Variants in RUFY1 observed in about 807,000 individuals in gnomAD.
RUFY1 encodes the protein RUN and FYVE domain-containing protein 1.
RUFY1 carries 54 observed loss-of-function variants against 94.6 expected under a neutral mutation model. The observed-to-expected ratio is 0.57, with a 90% CI of 0.46 to 0.72. The LOEUF (loss-of-function observed/expected upper bound fraction) is 0.72, where lower values mean the gene tolerates loss of function less well. RUFY1 is among the 30% of genes least tolerant of loss of function. The pLI, the probability that RUFY1 is intolerant of heterozygous loss-of-function variation, is 0.00. For synonymous variants in RUFY1, 396 were observed against 347.3 expected (o/e 1.14, Z -1.56); for missense variants, 883 against 883.9 (o/e 1.00, Z 0.01).
chr5:179,587,678 G>C (rs1393417442), intron 8 of RUFY1, among the ~76,000 whole-genome samples: 10 of 150,466 alleles, frequency 6.6e-5, no homozygotes, highest in Non-Finnish European at 1.5e-4. Flanking sequence ...GGGATTACAG[G>C]CATGAGCCAC....
At chr5:179,551,768 CT>C (rs1360808014) in intron 1 of RUFY1, among the ~76,000 whole-genome samples, 2 of 151,050 alleles carry the variant, frequency 1.3e-5, no homozygotes, top group Non-Finnish European at 2.9e-5. Context: ...CTGCCTCGGC[CT>C]CGTAAAGTAC....
intron 15 of RUFY1, chr5:179,603,875 T>C (rs1053987626): frequency 6.6e-6 from 1 of 152,152 alleles, no homozygotes; most frequent in Admixed American, 6.6e-5. Flanking sequence ...CTGACCAACG[T>C]GGAGAAACCC....
chr5:179,551,584 C>T (rs1193321347), intron 1 of RUFY1, among the ~76,000 whole-genome samples: 2 of 151,778 alleles, frequency 1.3e-5, no homozygotes, highest in Non-Finnish European at 2.9e-5. Context: ...CTCTGCCTCC[C>T]GGGTTCAAGC....
At position 179,607,762 on chromosome 5, in the gene RUFY1, C is replaced by CGGT. The variant is rs1767259274; in HGVS notation, c.1983+105_1983+107dup. 4.0e-6 allele frequency: 4 copies of CGGT among 1,000,122 alleles called. No homozygotes were observed. In the Admixed American group the frequency reaches 8.0e-5, roughly 20 times the overall value. The allele number at this position is 1,000,122 out of a possible 1,614,324, so 62.0% of individuals were successfully genotyped here. Reference sequence around the variant, plus strand: ...CCCATATCAGAGCAGGCTCACTGCCCGGTGACTGTGCTGACTGTGGCAGAT... The same window carrying CGGT: ...CCCATATCAGAGCAGGCTCACTGCCCGGTGGTGACTGTGCTGACTGTGGCAGAT... On this transcript the variant is annotated intron_variant, in intron 17 of 17. Transcript: ENST00000319449.
At chr5:179,556,738 G>C (rs1330789702) in intron 1 of RUFY1, among the ~76,000 whole-genome samples, 1 of 152,136 alleles carries the variant, frequency 6.6e-6, no homozygotes, top group East Asian at 1.9e-4. Flanking sequence ...GACCTCAGGT[G>C]ATCTGCCTGC....
intron 1 of RUFY1, among the ~76,000 whole-genome samples, chr5:179,557,362 G>A (rs577778512): frequency 1.1e-4 from 17 of 152,144 alleles, no homozygotes; most frequent in Non-Finnish European, 1.5e-4. Context: ...CCCAGGAGGC[G>A]GAGGTTGCAG....
At chr5:179,553,970 G>A (rs1761983615) in intron 1 of RUFY1, among the ~76,000 whole-genome samples, 1 of 152,148 alleles carries the variant, frequency 6.6e-6, no homozygotes, top group African/African-American at 2.4e-5. Context: ...AGGTGGGAAA[G>A]GAAATGGGCC....
chr5:179,562,433 C>A, intron 2 of RUFY1, 114 bp from the exon 3 acceptor site: 1 of 703,536 alleles, frequency 1.4e-6, no homozygotes, highest in Non-Finnish European at 2.6e-6. Flanking sequence ...AAGGATTAAG[C>A]AGTGAAGTTT....
At position 179,596,501 on chromosome 5, in the gene RUFY1, A is replaced by G. The variant is rs1467087680; in HGVS notation, c.1512-61A>G. 1.0e-5 allele frequency: 16 copies of G among 1,606,034 alleles called. No individual in the cohort carries two copies. The East Asian group carries it at 2.7e-4, about 27-fold the overall frequency. On this transcript the variant is annotated intron_variant, in intron 12 of 17. Transcript: ENST00000319449. ...TTTTAAAAATGAATTTCAGCCAGCAAAAGTCATCCTTTCCTTACAAAGATT... is the reference window on the plus strand; with the variant it reads ...TTTTAAAAATGAATTTCAGCCAGCAGAAGTCATCCTTTCCTTACAAAGATT...
chr5:179,595,052 C>A, intron 12 of RUFY1, 89 bp downstream of exon 12: 4 of 974,034 alleles, frequency 4.1e-6, no homozygotes, highest in Non-Finnish European at 6.3e-6. Flanking sequence ...CTCCAAAGTG[C>A]AGGGGAGAGG....
At chr5:179,572,844 G>A (rs1312128907) in intron 5 of RUFY1, 1 of 152,394 alleles carries the variant, frequency 6.6e-6, no homozygotes, top group African/African-American at 2.4e-5. Flanking sequence ...GGACCCTGGA[G>A]GGCCAGGCCA....
chr5:179,608,683 T>G, intron 17 of RUFY1: 9 of 965,704 alleles, frequency 9.3e-6, no homozygotes, highest in Non-Finnish European at 1.1e-5. Flanking sequence ...ATCCTAGCAC[T>G]TTGGGAGGCT....
At chr5:179,568,223 G>A (rs1762978884) in intron 4 of RUFY1, among the ~76,000 whole-genome samples, 2 of 152,122 alleles carry the variant, frequency 1.3e-5, no homozygotes, top group Non-Finnish European at 2.9e-5. Context: ...TCCAGCCTGG[G>A]CAACAGAGCA....
intron 12 of RUFY1, 62 bp from the exon 13 acceptor site, chr5:179,596,500 A>G: frequency 6.2e-7 from 1 of 1,604,930 alleles, no homozygotes; most frequent in Non-Finnish European, 8.5e-7. Flanking sequence ...TTCAGCCAGC[A>G]AAAGTCATCC....
At chr5:179,604,278 C>T (rs561975609) in intron 15 of RUFY1, among the ~76,000 whole-genome samples, 14 of 152,188 alleles carry the variant, frequency 9.2e-5, no homozygotes, top group East Asian at 7.7e-4. Flanking sequence ...AAGCCTATAC[C>T]GGATGACAGA....
At chr5:179,559,766 G>C (rs1762294715) in intron 1 of RUFY1, 2 of 1,193,660 alleles carry the variant, frequency 1.7e-6, no homozygotes, top group African/African-American at 1.6e-5. Context: ...GCAACGCGCG[G>C]AGCCGTCTGG....
chr5:179,599,195 C>A lies in RUFY1; in HGVS notation c.1761+374C>A, dbSNP rs183616736. Reference sequence around the variant, plus strand: ...GCAGTGTGAGGAGCAAAGAGGCGGCCTCAGGCGGCAGGCAGGAGGAAGCCC... The same window carrying A: ...GCAGTGTGAGGAGCAAAGAGGCGGCATCAGGCGGCAGGCAGGAGGAAGCCC... On this transcript the variant is annotated intron_variant, in intron 14 of 17. Coordinates refer to ENST00000319449, the MANE Select transcript of RUFY1 (RefSeq NM_025158.5). The A allele has an allele frequency of 2.0e-3, 370 of 181,386 alleles. 7 individuals carry two copies. Among genetic ancestry groups the A allele is most frequent in the African/African-American group, 8.3e-3 (352 of 42,646 alleles). 11.2% of individuals were successfully genotyped at this position (181,386 alleles called of 1,614,324 possible).
chr5:179,609,574 C>T lies in RUFY1; in HGVS notation c.*55C>T, dbSNP rs1230842189. The T allele has an allele frequency of 8.2e-6, 12 of 1,470,524 alleles. No individual in the cohort carries two copies. Among genetic ancestry groups the T allele is most frequent in the Non-Finnish European group, 1.1e-5 (12 of 1,102,432 alleles). The allele number at this position is 1,470,524 out of a possible 1,614,324, so 91.1% of individuals were successfully genotyped here. Reference sequence around the variant, plus strand: ...GACAGTGCCAAACCCTGTGGGTCTCCAGGGGCTTGGGAAATGTGTTCTTTC... The same window carrying T: ...GACAGTGCCAAACCCTGTGGGTCTCTAGGGGCTTGGGAAATGTGTTCTTTC... On this transcript the variant is annotated 3_prime_UTR_variant, in exon 18 of 18. Coordinates refer to ENST00000319449, the MANE Select transcript of RUFY1 (RefSeq NM_025158.5).
At chr5:179,605,793 C>A in intron 15 of RUFY1, 83 bp from the exon 16 acceptor site, 1 of 910,364 alleles carries the variant, frequency 1.1e-6, no homozygotes, top group Non-Finnish European at 1.8e-6. Flanking sequence ...CCTCACAAAG[C>A]TAGTCCTGAG....
Sources: allele counts gnomAD v4.1 joint callset (sites outside exome capture counted in the v4.1 genomes callset), GRCh38; gene constraint gnomAD v4.1.1; transcripts MANE v1.5; gene names NCBI Gene and HGNC (gene_info 2026-07-23, HGNC 2026-07-21).